Variants in SLC1A2 observed in about 807,000 individuals in gnomAD.
SLC1A2 encodes excitatory amino acid transporter 2.
Under a neutral mutation model 48.8 loss-of-function variants are expected in SLC1A2, and 15 were observed. That is an observed-to-expected ratio of 0.31 (90% confidence interval 0.21 to 0.47). The LOEUF is 0.47. SLC1A2 is among the 20% of genes least tolerant of loss of function. The probability of loss-of-function intolerance (pLI) is 0.99; values close to 1 mark genes in which losing one functional copy is unlikely to be tolerated. For synonymous variants in SLC1A2, 279 were observed against 272.6 expected (o/e 1.02, Z -0.23); for missense variants, 502 against 730.5 (o/e 0.69, Z 3.61).
chr11:35,338,774 C>A (rs145985461), intron 1 of SLC1A2, among the ~76,000 whole-genome samples: 146 of 152,302 alleles, frequency 9.6e-4, no homozygotes, highest in African/African-American at 3.4e-3. Flanking sequence ...TTAAGTCAGA[C>A]TAAGGTAGGC....
At chr11:35,310,260 C>T (rs1851646326) in intron 4 of SLC1A2, among the ~76,000 whole-genome samples, 3 of 152,212 alleles carry the variant, frequency 2.0e-5, no homozygotes, top group Admixed American at 2.0e-4. Context: ...CCAGCTCAGC[C>T]TCCTGCAGCT....
Position 35,254,659 on chromosome 11 carries a change from G to A in SLC1A2, c.*6235C>T, listed in dbSNP as rs1405191660. 5.1e-6 allele frequency: 2 copies of A among 395,776 alleles called. No homozygotes were observed. The highest frequency in any genetic ancestry group is 9.9e-6 in the Non-Finnish European group (2 of 202,052). 24.5% of individuals were successfully genotyped at this position (395,776 alleles called of 1,614,324 possible). A position where few individuals can be genotyped will look rare whatever the true frequency, so the allele number is the denominator to read the frequency against. ...AGGATGATGACAAGGCTAACAGTCA[G>A]TTGTCAGGTTTCAACACTCACCCAA... On this transcript the variant is annotated 3_prime_UTR_variant, in exon 11 of 11. Coordinates refer to ENST00000278379, the MANE Select transcript of SLC1A2 (RefSeq NM_004171.4).
In SLC1A2 at chr11:35,306,065, C is replaced by G; in HGVS notation, c.730+9G>C. The G allele has an allele frequency of 6.2e-7, 1 of 1,612,518 alleles. No individual in the cohort carries two copies. Among genetic ancestry groups the G allele is most frequent in the South Asian group, 1.1e-5 (1 of 91,022 alleles). ...GGGAAGCAGAATCCCGGACCACCAG[C>G]TGGCCTACCTAAGACGTTCATCCCA... On this transcript the variant is annotated intron_variant, in intron 5 of 10. Transcript: ENST00000278379.
chr11:35,284,587 T>C (rs910592812), intron 8 of SLC1A2, among the ~76,000 whole-genome samples: 2 of 152,010 alleles, frequency 1.3e-5, no homozygotes, highest in African/African-American at 4.8e-5. Context: ...TGGTGAATTT[T>C]TTCTTTTCTC....
At chr11:35,346,650 A>C (rs1853047089) in intron 1 of SLC1A2, among the ~76,000 whole-genome samples, 1 of 152,260 alleles carries the variant, frequency 6.6e-6, no homozygotes, top group Non-Finnish European at 1.5e-5. Flanking sequence ...GGAGGCAGTC[A>C]ATAACTGTTT....
chr11:35,288,222 C>CT (rs1235992950), intron 7 of SLC1A2, among the ~76,000 whole-genome samples: 4 of 152,192 alleles, frequency 2.6e-5, no homozygotes, highest in Non-Finnish European at 5.9e-5. Flanking sequence ...CCACGAGCTC[C>CT]TAAAACAACC....
intron 1 of SLC1A2, among the ~76,000 whole-genome samples, chr11:35,335,772 G>A (rs1001054800): frequency 6.6e-6 from 1 of 152,070 alleles, no homozygotes; most frequent in Non-Finnish European, 1.5e-5. Flanking sequence ...AGACCAACCT[G>A]AGCAACATGG....
At chr11:35,290,910 T>C (rs1408811026) in intron 7 of SLC1A2, among the ~76,000 whole-genome samples, 1 of 152,170 alleles carries the variant, frequency 6.6e-6, no homozygotes, top group East Asian at 1.9e-4. Flanking sequence ...TAGCACTGAA[T>C]CCTCATTGAT....
At chr11:35,343,899 C>G (rs1375399452) in intron 1 of SLC1A2, among the ~76,000 whole-genome samples, 1 of 152,010 alleles carries the variant, frequency 6.6e-6, no homozygotes, top group African/African-American at 2.4e-5. Flanking sequence ...TAATGATGTA[C>G]AAGCATTGTG....
intron 4 of SLC1A2, 67 bp downstream of exon 4, chr11:35,312,131 A>C: frequency 1.3e-6 from 2 of 1,534,862 alleles, no homozygotes; most frequent in Non-Finnish European, 1.8e-6. Context: ...CTGTTAAAAT[A>C]CTCTTAAGTT....
intron 1 of SLC1A2, among the ~76,000 whole-genome samples, chr11:35,363,968 T>A (rs1853764148): frequency 6.6e-6 from 1 of 152,174 alleles, no homozygotes; most frequent in African/African-American, 2.4e-5. Context: ...GCTTAGCAGG[T>A]GGCAGGGGCA....
chr11:35,263,178 C>T (rs770844912), intron 10 of SLC1A2, among the ~76,000 whole-genome samples: 9 of 152,078 alleles, frequency 5.9e-5, no homozygotes, highest in Non-Finnish European at 8.8e-5. Flanking sequence ...AAAAACGAAG[C>T]AAATTGGCCA....
At chr11:35,395,031 C>G (rs73445038) in intron 1 of SLC1A2, among the ~76,000 whole-genome samples, 8,557 of 152,102 alleles carry the variant, frequency 0.056, 500 homozygotes, top group East Asian at 0.14. Flanking sequence ...CACTGGTGCT[C>G]CTGGCCATGC....
chr11:35,406,212 TTC>T (rs1855288671), intron 1 of SLC1A2, among the ~76,000 whole-genome samples: 1 of 152,142 alleles, frequency 6.6e-6, no homozygotes, highest in Non-Finnish European at 1.5e-5. Flanking sequence ...CCTTCCCTCC[TTC>T]TCCAGGCTGA....
intron 7 of SLC1A2, among the ~76,000 whole-genome samples, chr11:35,289,955 T>C (rs1271619592): frequency 6.6e-5 from 10 of 152,130 alleles, no homozygotes; most frequent in Non-Finnish European, 1.5e-5. Flanking sequence ...ACCAAGTTCA[T>C]GAACAATTCA....
Position 35,373,799 on chromosome 11 carries a change from A to C in SLC1A2, c.17+45151T>G, listed in dbSNP as rs572711515. On this transcript the variant is annotated intron_variant, in intron 1 of 10. Transcript: ENST00000278379. ...ACAGCATCCCAGAGTCATATACACC[A>C]GGAGGCAGAGGAAACAGAAATCAGA... 3.3e-5 allele frequency among the ~76,000 whole-genome samples: 5 copies of C among 152,372 alleles called. No individual in the cohort carries two copies. The East Asian group carries it at 7.7e-4, about 23-fold the overall frequency.
chr11:35,295,415 T>C (rs1429568336), intron 6 of SLC1A2, among the ~76,000 whole-genome samples: 1 of 152,186 alleles, frequency 6.6e-6, no homozygotes, highest in Non-Finnish European at 1.5e-5. Context: ...TGGGTTTCCA[T>C]ATCAATGAAT....
intron 1 of SLC1A2, among the ~76,000 whole-genome samples, chr11:35,404,155 T>C (rs1224965585): frequency 6.6e-6 from 1 of 152,158 alleles, no homozygotes; most frequent in African/African-American, 2.4e-5. Context: ...ATGCCTCCAT[T>C]CTTGTGTTGT....
At chr11:35,267,909 A>G (rs1041113820) in intron 9 of SLC1A2, among the ~76,000 whole-genome samples, 3 of 152,248 alleles carry the variant, frequency 2.0e-5, no homozygotes, top group African/African-American at 7.2e-5. Context: ...GTGCTGATTT[A>G]CTGAGCACAA....
Sources: gnomAD v4.1 joint callset for allele counts (sites outside exome capture counted in the v4.1 genomes callset) on GRCh38, gnomAD v4.1.1 for gene constraint, MANE v1.5 for transcripts, NCBI Gene and HGNC (gene_info 2026-07-23, HGNC 2026-07-21) for gene names.